Variants in AGMO observed in about 807,000 individuals in gnomAD.
AGMO encodes glyceryl-ether monooxygenase.
In AGMO, 75 loss-of-function variants were observed where a neutral mutation model predicts 60.2. The ratio of observed to expected loss-of-function variants is 1.25; its 90% confidence interval spans 1.03 to 1.51. The LOEUF is 1.51. AGMO is among the 40% of genes most tolerant of loss of function. The probability of loss-of-function intolerance (pLI) is 0.00; values close to 1 mark genes in which losing one functional copy is unlikely to be tolerated. For synonymous variants in AGMO, 261 were observed against 177.1 expected (o/e 1.47, Z -3.76); for missense variants, 763 against 525.5 (o/e 1.45, Z -4.42).
At chr7:15,450,736 A>C (rs1474297245) in intron 3 of AGMO, among the ~76,000 whole-genome samples, 1 of 152,172 alleles carries the variant, frequency 6.6e-6, no homozygotes, top group Non-Finnish European at 1.5e-5. Context: ...CCACAGAAAA[A>C]AATGCTCATG....
chr7:15,213,572 T>C (rs1449147345), intron 12 of AGMO, among the ~76,000 whole-genome samples: 1 of 151,888 alleles, frequency 6.6e-6, no homozygotes, highest in Non-Finnish European at 1.5e-5. Flanking sequence ...AAAAAAACCC[T>C]GAAAAATCCT....
chr7:15,437,051 GATAA>G (rs1235944665), intron 3 of AGMO, among the ~76,000 whole-genome samples: 1 of 151,950 alleles, frequency 6.6e-6, no homozygotes, highest in African/African-American at 2.4e-5. Context: ...AAGCTTAGTT[GATAA>G]ATAAATATAA....
intron 12 of AGMO, among the ~76,000 whole-genome samples, chr7:15,311,478 A>G (rs2128532069): frequency 6.6e-6 from 1 of 151,602 alleles, no homozygotes; most frequent in African/African-American, 2.4e-5. Flanking sequence ...GCCTGAGCAG[A>G]GGTAGTAAAA....
chr7:15,278,584 G>A (rs1042023915), intron 12 of AGMO, among the ~76,000 whole-genome samples: 6 of 152,068 alleles, frequency 3.9e-5, no homozygotes, highest in African/African-American at 7.2e-5. Flanking sequence ...GCTCTAGCGC[G>A]TTTCACTGGA....
the AGMO span, among the ~76,000 whole-genome samples, chr7:15,134,082 G>A: frequency 6.6e-6 from 1 of 151,958 alleles, no homozygotes; most frequent in Non-Finnish European, 1.5e-5. Context: ...TTGTTACATG[G>A]GTAGACTGCA....
At chr7:15,188,108 G>A in the AGMO span, among the ~76,000 whole-genome samples, 42 of 152,274 alleles carry the variant, frequency 2.8e-4, no homozygotes, top group South Asian at 8.5e-3. Flanking sequence ...GGCCACTTGG[G>A]TAGACTGGTA....
chr7:15,364,639 G>T (rs530087620), intron 12 of AGMO, among the ~76,000 whole-genome samples: 5 of 151,950 alleles, frequency 3.3e-5, no homozygotes, highest in Non-Finnish European at 7.4e-5. Flanking sequence ...CCAATTCCTA[G>T]AAGTGAAATG....
chr7:15,346,617 T>C (rs1165326862), intron 12 of AGMO, among the ~76,000 whole-genome samples: 1 of 145,770 alleles, frequency 6.9e-6, no homozygotes, highest in Admixed American at 6.8e-5. Flanking sequence ...TCTTAAAAAG[T>C]AAAAAAAAAA....
intron 12 of AGMO, among the ~76,000 whole-genome samples, chr7:15,353,275 G>A (rs577481480): frequency 6.6e-6 from 1 of 152,160 alleles, no homozygotes; most frequent in Non-Finnish European, 1.5e-5. Flanking sequence ...ATGTAGAGAT[G>A]TGTCAACAGG....
intron 12 of AGMO, among the ~76,000 whole-genome samples, chr7:15,254,413 T>C (rs1050561328): frequency 5.3e-5 from 8 of 152,186 alleles, no homozygotes; most frequent in African/African-American, 1.9e-4. Flanking sequence ...TTTTTTGTTA[T>C]TTGATAATAG....
chr7:15,369,466 GACAA>G (rs769726128), intron 10 of AGMO, among the ~76,000 whole-genome samples: 61 of 152,120 alleles, frequency 4.0e-4, no homozygotes, highest in Non-Finnish European at 6.8e-4. Flanking sequence ...TCCTGGACAT[GACAA>G]ACATTTTCCC....
intron 12 of AGMO, among the ~76,000 whole-genome samples, chr7:15,269,296 T>C (rs1316116401): frequency 6.6e-6 from 1 of 152,048 alleles, no homozygotes; most frequent in Non-Finnish European, 1.5e-5. Flanking sequence ...TATAACGCAA[T>C]GAGAGAAGTG....
chr7:15,234,852 A>G (rs1782370741), intron 12 of AGMO, among the ~76,000 whole-genome samples: 5 of 152,318 alleles, frequency 3.3e-5, no homozygotes, highest in Admixed American at 3.3e-4. Flanking sequence ...ACATGTAAAA[A>G]GTGTTCTTGG....
At chr7:15,138,819 G>C in the AGMO span, among the ~76,000 whole-genome samples, 4 of 142,686 alleles carry the variant, frequency 2.8e-5, no homozygotes. Flanking sequence ...TAAGGCCTGA[G>C]TCTATAAATA....
the AGMO span, among the ~76,000 whole-genome samples, chr7:15,146,669 G>T: frequency 6.6e-6 from 1 of 152,162 alleles, no homozygotes; most frequent in South Asian, 2.1e-4. Flanking sequence ...AAAGTTACCT[G>T]TACATTGGAC....
At position 15,534,449 on chromosome 7, in the gene AGMO, T is replaced by A. The variant is rs368157396; in HGVS notation, c.409+10323A>T. Among the ~76,000 whole-genome samples the A allele has an allele frequency of 9.2e-4, 140 of 152,132 alleles. 4 individuals are homozygous for A. In the South Asian group the frequency reaches 9.9e-3, roughly 11 times the overall value. ...ACTTGGGGAAAAGAGACTTTCTTTA[T>A]AAAAGCAAAATATAATTTTGTTTAT... is the stretch of plus-strand genomic sequence containing the variant. On this transcript the variant is annotated intron_variant, in intron 3 of 12. Coordinates refer to ENST00000342526, the MANE Select transcript of AGMO (RefSeq NM_001004320.2).
intron 10 of AGMO, among the ~76,000 whole-genome samples, chr7:15,382,936 G>C (rs746448637): frequency 6.6e-6 from 1 of 151,004 alleles, no homozygotes; most frequent in Non-Finnish European, 1.5e-5. Context: ...TTATATAGAT[G>C]TAACATTTGT....
chr7:15,174,510 G>A, the AGMO span, among the ~76,000 whole-genome samples: 2 of 151,976 alleles, frequency 1.3e-5, no homozygotes, highest in African/African-American at 2.4e-5. Context: ...GGACTCCTTG[G>A]TAAGCTCTCC....
intron 2 of AGMO, among the ~76,000 whole-genome samples, chr7:15,548,205 A>G (rs1320318752): frequency 2.0e-5 from 3 of 152,204 alleles, no homozygotes; most frequent in Non-Finnish European, 2.9e-5. Context: ...ATAAAACTAC[A>G]AAGATGGGGA....
Sources: allele counts gnomAD v4.1 joint callset (sites outside exome capture counted in the v4.1 genomes callset), GRCh38; gene constraint gnomAD v4.1.1; transcripts MANE v1.5; gene names NCBI Gene and HGNC (gene_info 2026-07-23, HGNC 2026-07-21).